ROBO2: variants seen among roughly 807,000 people sequenced by gnomAD.
The protein encoded by ROBO2 is roundabout guidance receptor 2.
In ROBO2, 53 loss-of-function variants were observed where a neutral mutation model predicts 160.8. That is an observed-to-expected ratio of 0.33 (90% CI 0.26 to 0.41). The LOEUF (loss-of-function observed/expected upper bound fraction) is 0.41. Ranked by LOEUF, ROBO2 falls within the 10% of genes least tolerant of loss-of-function variation. ROBO2 has a pLI of 1.00. For synonymous variants in ROBO2, 664 were observed against 611.7 expected, an observed-to-expected ratio of 1.09 and a Z score of -1.26; for missense variants, 1,577 against 1,722.4, an observed-to-expected ratio of 0.92 and a Z score of 1.49.
intron 2 of ROBO2, among the ~76,000 whole-genome samples, chr3:77,373,091 A>T (rs2072026291): frequency 6.8e-6 from 1 of 147,198 alleles, no homozygotes; most frequent in Non-Finnish European, 1.5e-5. Context: ...TTATAAAATA[A>T]TTAAAATATA....
intron 2 of ROBO2, among the ~76,000 whole-genome samples, chr3:76,242,456 T>TAGA (rs1705349530): frequency 6.6e-6 from 1 of 152,194 alleles, no homozygotes; most frequent in African/African-American, 2.4e-5. Context: ...AGCTTCCTGG[T>TAGA]AGAATCAGGG....
intron 2 of ROBO2, among the ~76,000 whole-genome samples, chr3:77,125,097 CCTACTTTTG>C (rs2075188381): frequency 2.0e-5 from 3 of 151,976 alleles, no homozygotes; most frequent in Admixed American, 2.0e-4. Flanking sequence ...ATGGCATGTC[CCTACTTTTG>C]CTCATTTTCC....
At chr3:76,151,895 G>T (rs965955769) in intron 2 of ROBO2, among the ~76,000 whole-genome samples, 1 of 152,020 alleles carries the variant, frequency 6.6e-6, no homozygotes, top group African/African-American at 2.4e-5. Flanking sequence ...TTATTTGGTT[G>T]CTACTTTAAA....
chr3:76,797,093 A>T (rs2063755740), intron 2 of ROBO2, among the ~76,000 whole-genome samples: 1 of 152,168 alleles, frequency 6.6e-6, no homozygotes, highest in Admixed American at 6.5e-5. Flanking sequence ...TATAAATCAA[A>T]TGGACCTAAC....
intron 2 of ROBO2, among the ~76,000 whole-genome samples, chr3:76,376,948 G>C (rs2076377331): frequency 6.6e-6 from 1 of 152,108 alleles, no homozygotes; most frequent in Non-Finnish European, 1.5e-5. Flanking sequence ...TGGGTTCTGG[G>C]TGTTGCTAAA....
chr3:76,001,175 G>T (rs2065876593), intron 2 of ROBO2, among the ~76,000 whole-genome samples: 1 of 152,106 alleles, frequency 6.6e-6, no homozygotes, highest in Admixed American at 6.6e-5. Flanking sequence ...GCACAACATT[G>T]CATTAACGAA....
chr3:76,691,197 G>A (rs748155443), intron 2 of ROBO2, among the ~76,000 whole-genome samples: 4 of 152,050 alleles, frequency 2.6e-5, no homozygotes, highest in Non-Finnish European at 5.9e-5. Context: ...TCCTAACAAA[G>A]GAATAAGTTC....
chr3:77,438,962 G>A, intron 2 of ROBO2, among the ~76,000 whole-genome samples: 2 of 152,028 alleles, frequency 1.3e-5, no homozygotes, highest in East Asian at 3.9e-4. Flanking sequence ...AGTGTTCTAT[G>A]TGGTCAAAGT....
At chr3:76,375,549 TAA>T (rs1337085074) in intron 2 of ROBO2, among the ~76,000 whole-genome samples, 1 of 151,950 alleles carries the variant, frequency 6.6e-6, no homozygotes, top group Non-Finnish European at 1.5e-5. Context: ...AGCCTACAGC[TAA>T]GTTGTTGATG....
At chr3:76,692,275 A>G (rs1442193508) in intron 2 of ROBO2, among the ~76,000 whole-genome samples, 2 of 152,156 alleles carry the variant, frequency 1.3e-5, no homozygotes, top group Non-Finnish European at 1.5e-5. Flanking sequence ...TTGGATTAGT[A>G]TATGAGAAGT....
At position 76,088,953 on chromosome 3, in the gene ROBO2, A is replaced by T. The variant is rs1425393882; in HGVS notation, c.109+151351A>T. Among the ~76,000 whole-genome samples the T allele has an allele frequency of 2.0e-5, 3 of 151,976 alleles. No individual in the cohort carries two copies. The East Asian group carries it at 5.8e-4, about 29-fold the overall frequency. Reference sequence around the variant, plus strand: ...TTATTTGGAAAGATCGGAGTGGAAGAGAGAGAGAATGAGAGAGAGCACACG... The same window carrying T: ...TTATTTGGAAAGATCGGAGTGGAAGTGAGAGAGAATGAGAGAGAGCACACG... On this transcript the variant is annotated intron_variant, in intron 2 of 26. Coordinates refer to the ROBO2 transcript ENST00000487694.
At chr3:77,281,798 G>A (rs2060258109) in intron 2 of ROBO2, among the ~76,000 whole-genome samples, 1 of 152,096 alleles carries the variant, frequency 6.6e-6, no homozygotes, top group African/African-American at 2.4e-5. Flanking sequence ...GTCATCAGGT[G>A]TTCAAGCAGT....
chr3:76,655,021 G>A (rs1335937417), intron 2 of ROBO2, among the ~76,000 whole-genome samples: 1 of 150,726 alleles, frequency 6.6e-6, no homozygotes, highest in Non-Finnish European at 1.5e-5. Flanking sequence ...GCCCATGCAT[G>A]AGAATGTTGG....
At chr3:76,234,482 C>A (rs1704813738) in intron 2 of ROBO2, among the ~76,000 whole-genome samples, 1 of 152,130 alleles carries the variant, frequency 6.6e-6, no homozygotes, top group Non-Finnish European at 1.5e-5. Context: ...TTTGGACAAA[C>A]CTAACAGGTT....
chr3:76,764,410 A>T (rs950508795), intron 2 of ROBO2, among the ~76,000 whole-genome samples: 1 of 151,640 alleles, frequency 6.6e-6, no homozygotes, highest in Non-Finnish European at 1.5e-5. Flanking sequence ...ATCATACTGT[A>T]TTTATTGTTT....
chr3:76,525,125 A>G (rs149333092), intron 2 of ROBO2, among the ~76,000 whole-genome samples: 186 of 151,928 alleles, frequency 1.2e-3, no homozygotes, highest in African/African-American at 4.3e-3. Context: ...AAATTATTTT[A>G]CCCATTTTTT....
chr3:77,535,210 CTT>C (rs59166969), intron 6 of ROBO2, among the ~76,000 whole-genome samples: 3 of 143,506 alleles, frequency 2.1e-5, no homozygotes, highest in African/African-American at 2.5e-5. Context: ...TTTTCTTTTT[CTT>C]TTTTTTTTTT....
chr3:77,500,766 A>G (rs1023225977), intron 5 of ROBO2, among the ~76,000 whole-genome samples: 4 of 152,174 alleles, frequency 2.6e-5, no homozygotes, highest in Admixed American at 1.3e-4. Context: ...TGCTGTTAAC[A>G]CAAAACTAAT....
intron 2 of ROBO2, among the ~76,000 whole-genome samples, chr3:76,602,839 G>A (rs1356427905): frequency 6.6e-6 from 1 of 152,100 alleles, no homozygotes; most frequent in Non-Finnish European, 1.5e-5. Context: ...ATTTGGGTGG[G>A]GACACAGCCA....
Sources: gnomAD v4.1 joint callset for allele counts (sites outside exome capture counted in the v4.1 genomes callset) on GRCh38, gnomAD v4.1.1 for gene constraint, MANE v1.5 for transcripts, NCBI Gene and HGNC (gene_info 2026-07-23, HGNC 2026-07-21) for gene names.